Variants in ST3GAL4 observed in about 807,000 individuals in gnomAD.
The protein encoded by ST3GAL4 is CMP-N-acetylneuraminate-beta-galactosamide-alpha-2,3-sialyltransferase 4.
Under a neutral mutation model 42.6 loss-of-function variants are expected in ST3GAL4, and 24 were observed. The observed-to-expected ratio is 0.56, with a 90% confidence interval of 0.41 to 0.79. The LOEUF (loss-of-function observed/expected upper bound fraction) is 0.79. Among genes scored for constraint, ST3GAL4 ranks in the 30% least tolerant of loss-of-function variants. The probability of loss-of-function intolerance (pLI) is 0.00; values close to 1 mark genes in which losing one functional copy is unlikely to be tolerated. For missense variants in ST3GAL4, 311 were observed against 430.8 expected (o/e 0.72, Z 2.46); for synonymous variants, 135 against 163.2 (o/e 0.83, Z 1.32).
At position 126,398,209 on chromosome 11, in the gene ST3GAL4, C is replaced by G. The variant is rs969904130; in HGVS notation, c.-60-7887C>G. Among the ~76,000 whole-genome samples the G allele has an allele frequency of 2.6e-5, 4 of 152,220 alleles. No homozygotes were observed. Among genetic ancestry groups the G allele is most frequent in the African/African-American group, 9.6e-5 (4 of 41,458 alleles). ...TGGGCTGTGAAATCAAGCAAGTTGT[C>G]TGCTTCCAAAGTACAGTGATGGGAC... On this transcript the variant is annotated intron_variant, in intron 1 of 10. Transcript: ENST00000444328. The surrounding 1 kb of genome is among the most constrained non-coding windows in gnomAD (Gnocchi z 4.7).
At chr11:126,388,871 G>C (rs1357272781) in intron 1 of ST3GAL4, among the ~76,000 whole-genome samples, 1 of 139,912 alleles carries the variant, frequency 7.1e-6, no homozygotes. Flanking sequence ...CCACCTCCTT[G>C]GGTTCAGGCA....
At chr11:126,404,614 A>G (rs1954147685) in intron 1 of ST3GAL4, among the ~76,000 whole-genome samples, 1 of 152,240 alleles carries the variant, frequency 6.6e-6, no homozygotes, top group African/African-American at 2.4e-5. Context: ...CCCTTTCAGA[A>G]GAGCTGTCGG....
At position 126,401,755 on chromosome 11, in the gene ST3GAL4, A is replaced by G. The variant is rs182239871; in HGVS notation, c.-60-4341A>G. Among the ~76,000 whole-genome samples, 235 of 152,146 alleles carry G rather than the reference A, an allele frequency of 1.5e-3. 1 individual carries two copies. The highest frequency in any genetic ancestry group is 5.4e-3 in the African/African-American group (224 of 41,502). ...TAGACCTTTCTTAAGTTTGGCAATT[A>G]GAAGGTCATTGGCCTCAGCAAGAGC... On this transcript the variant is annotated intron_variant, in intron 1 of 10. Transcript: ENST00000444328.
chr11:126,384,854 G>A lies in ST3GAL4; in HGVS notation c.-60-21242G>A, dbSNP rs1216515931. 2.8e-5 allele frequency: 28 copies of A among 985,342 alleles called. No homozygotes were observed. Among genetic ancestry groups the A allele is most frequent in the East Asian group, 1.1e-4 (1 of 8,782 alleles). The allele number at this position is 985,342 out of a possible 1,614,324, so 61.0% of individuals were successfully genotyped here. A position where few individuals can be genotyped will look rare whatever the true frequency, so the allele number is the denominator to read the frequency against. ...CACATATGGGCCAGGAGAGGTGAGTGTGATTGTGGTAGTGGTGGGGGCAGT... is the reference window on the plus strand; with the variant it reads ...CACATATGGGCCAGGAGAGGTGAGTATGATTGTGGTAGTGGTGGGGGCAGT... On this transcript the variant is annotated intron_variant, in intron 1 of 10. Coordinates refer to ENST00000444328, the MANE Select transcript of ST3GAL4 (RefSeq NM_001254757.2). This position sits in a 1 kb window ranked among gnomAD's most constrained non-coding sequence, Gnocchi z 5.5.
At position 126,406,082 on chromosome 11, in the gene ST3GAL4, C is replaced by G. The variant is rs1331333316; in HGVS notation, c.-60-14C>G. On this transcript the variant is annotated splice_polypyrimidine_tract_variant and intron_variant, in intron 1 of 10. Coordinates refer to ENST00000444328, the MANE Select transcript of ST3GAL4 (RefSeq NM_001254757.2). The surrounding 1 kb of genome is among the most constrained non-coding windows in gnomAD (Gnocchi z 5.4). Reference sequence around the variant, plus strand: ...TGTGAAGCTGACCGGACACCTGTGGCTCTTATTTCCTAGGTGGCCCGAGGC... The same window carrying G: ...TGTGAAGCTGACCGGACACCTGTGGGTCTTATTTCCTAGGTGGCCCGAGGC... The G allele has an allele frequency of 6.4e-7, 1 of 1,551,432 alleles. No individual in the cohort carries two copies. The highest frequency in any genetic ancestry group is 1.4e-5 in the African/African-American group (1 of 73,030).
intron 1 of ST3GAL4, among the ~76,000 whole-genome samples, chr11:126,356,569 G>C (rs539938404): frequency 6.6e-6 from 1 of 152,386 alleles, no homozygotes; most frequent in East Asian, 1.9e-4. Context: ...TGTCTGGGCA[G>C]CTTGAGGCCT....
rs1284556352 is a variant in ST3GAL4, at chr11:126,400,402, C to G, written c.-60-5694C>G. 6.6e-6 allele frequency among the ~76,000 whole-genome samples: 1 copy of G among 152,210 alleles called. No homozygotes were observed. The highest frequency in any genetic ancestry group is 1.5e-5 in the Non-Finnish European group (1 of 68,042). On this transcript the variant is annotated intron_variant, in intron 1 of 10. Coordinates refer to ENST00000444328, the MANE Select transcript of ST3GAL4 (RefSeq NM_001254757.2). The surrounding 1 kb of genome is among the most constrained non-coding windows in gnomAD (Gnocchi z 4.6). ...ATTAGGCCCTGCTTATACTGTTGCACTGGGGATCAAGTTGCAGCACTTGGA... is the reference window on the plus strand; with the variant it reads ...ATTAGGCCCTGCTTATACTGTTGCAGTGGGGATCAAGTTGCAGCACTTGGA...
Position 126,372,900 on chromosome 11 carries a change from A to G in ST3GAL4, c.-61+17058A>G, listed in dbSNP as rs185167314. On this transcript the variant is annotated intron_variant, in intron 1 of 10. Transcript: ENST00000444328. ...ATGCTGCTATGAACATGGGTGTACA[A>G]ATATCGCTTTGATATTCTGGTTTCA... 1.8e-3 allele frequency among the ~76,000 whole-genome samples: 279 copies of G among 152,312 alleles called. 1 individual carries two copies. The highest frequency in any genetic ancestry group is 3.4e-3 in the Middle Eastern group (1 of 294).
intron 1 of ST3GAL4, among the ~76,000 whole-genome samples, chr11:126,377,401 C>T (rs1179585451): frequency 1.3e-5 from 2 of 151,756 alleles, no homozygotes; most frequent in African/African-American, 4.8e-5. Context: ...GAACTCCTGA[C>T]CTCAGGTGAT....
intron 1 of ST3GAL4, among the ~76,000 whole-genome samples, chr11:126,370,568 T>G (rs1952604592): frequency 6.6e-6 from 1 of 152,170 alleles, no homozygotes. Context: ...TTTTACTCTT[T>G]TAAGTATGAG....
In ST3GAL4 at chr11:126,400,246, C is replaced by T. The variant is rs1049714962; in HGVS notation, c.-60-5850C>T. 5.9e-5 allele frequency among the ~76,000 whole-genome samples: 9 copies of T among 152,230 alleles called. No homozygotes were observed. Among genetic ancestry groups the T allele is most frequent in the African/African-American group, 2.2e-4 (9 of 41,454 alleles). Reference sequence around the variant, plus strand: ...GGCAAGGGCCTTCTTGCTGCATCATCCCATGGTGGAGAGTGGAATGGCAAG... The same window carrying T: ...GGCAAGGGCCTTCTTGCTGCATCATTCCATGGTGGAGAGTGGAATGGCAAG... On this transcript the variant is annotated intron_variant, in intron 1 of 10. Transcript: ENST00000444328. This position sits in a 1 kb window ranked among gnomAD's most constrained non-coding sequence, Gnocchi z 4.6.
Position 126,374,413 on chromosome 11 carries a change from C to G in ST3GAL4, c.-61+18571C>G, listed in dbSNP as rs539070348. ...GTTACAGTGAGCCAAGATCACACAC[C>G]ATTGTACCCCAGCCTGAATGACAAA... On this transcript the variant is annotated intron_variant, in intron 1 of 10. Transcript: ENST00000444328. Among the ~76,000 whole-genome samples, 6 of 136,850 alleles carry G rather than the reference C, an allele frequency of 4.4e-5. No individual in the cohort carries two copies. The East Asian group carries it at 1.1e-3, about 25-fold the overall frequency. 89.8% of individuals were successfully genotyped at this position (136,850 alleles called of 152,430 possible).
chr11:126,372,129 T>A (rs1047451048), intron 1 of ST3GAL4, among the ~76,000 whole-genome samples: 1 of 152,196 alleles, frequency 6.6e-6, no homozygotes, highest in Non-Finnish European at 1.5e-5. Context: ...TTAAGTACAT[T>A]TAGAATGTGC....
At position 126,383,547 on chromosome 11, in the gene ST3GAL4, G is replaced by A. The variant is rs1173371369; in HGVS notation, c.-60-22549G>A. Among the ~76,000 whole-genome samples the A allele has an allele frequency of 6.6e-6, 1 of 152,180 alleles. No homozygotes were observed. The highest frequency in any genetic ancestry group is 1.5e-5 in the Non-Finnish European group (1 of 68,020). The stretch of plus-strand genomic sequence containing the variant: ...GCTGTATGTGGGCATGGGGGGCGGG[G>A]GCAGAGAGGAGGAGGACTGAGAAGT... On this transcript the variant is annotated intron_variant, in intron 1 of 10. Coordinates refer to ENST00000444328, the MANE Select transcript of ST3GAL4 (RefSeq NM_001254757.2). This position sits in a 1 kb window ranked among gnomAD's most constrained non-coding sequence, Gnocchi z 4.5.
Position 126,365,861 on chromosome 11 carries a change from G to A in ST3GAL4, c.-61+10019G>A, listed in dbSNP as rs617765. Among the ~76,000 whole-genome samples the A allele has an allele frequency of 1.2e-4, 18 of 152,230 alleles. No individual in the cohort carries two copies. In the East Asian group the frequency reaches 2.3e-3, roughly 20 times the overall value. On this transcript the variant is annotated intron_variant, in intron 1 of 10. Transcript: ENST00000444328. ...AGTGAGTGTGTGTTGTGTGGGCGCC[G>A]GGCCAGGAAGTGCCCTCCATGGGGC...
intron 10 of ST3GAL4, 127 bp from the exon 11 acceptor site, chr11:126,413,834 C>T (rs898462433): frequency 1.8e-4 from 260 of 1,408,616 alleles, no homozygotes; most frequent in Non-Finnish European, 2.4e-4. Context: ...TGTCTTCCTT[C>T]CAAGAGCCAG....
At position 126,379,500 on chromosome 11, in the gene ST3GAL4, G is replaced by A. The variant is rs1400298857; in HGVS notation, c.-61+23658G>A. On this transcript the variant is annotated intron_variant, in intron 1 of 10. Coordinates refer to ENST00000444328, the MANE Select transcript of ST3GAL4 (RefSeq NM_001254757.2). This position sits in a 1 kb window ranked among gnomAD's most constrained non-coding sequence, Gnocchi z 4.2. ...ATATTATTATTATTATTATTGAGAC[G>A]GAGTTTCTCTCTTGTTGCCCAGGCT... Among the ~76,000 whole-genome samples the A allele has an allele frequency of 6.6e-6, 1 of 151,894 alleles. No homozygotes were observed. The highest frequency in any genetic ancestry group is 1.5e-5 in the Non-Finnish European group (1 of 67,984).
chr11:126,408,223 G>T, intron 7 of ST3GAL4, 29 bp downstream of exon 7: 1 of 1,613,370 alleles, frequency 6.2e-7, no homozygotes, highest in East Asian at 2.2e-5. Flanking sequence ...TCCTACTGTT[G>T]TTTGGGAACT....
chr11:126,370,540 C>CAA (rs1053109030), intron 1 of ST3GAL4, among the ~76,000 whole-genome samples: 5 of 152,192 alleles, frequency 3.3e-5, no homozygotes, highest in African/African-American at 1.2e-4. Context: ...GTACATCTTG[C>CAA]AAATGCACTT....
Sources: gnomAD v4.1 joint callset for allele counts (sites outside exome capture counted in the v4.1 genomes callset) on GRCh38, gnomAD v4.1.1 for gene constraint, Gnocchi (gnomAD v3.1) non-coding constraint, MANE v1.5 for transcripts, NCBI Gene and HGNC (gene_info 2026-07-23, HGNC 2026-07-21) for gene names.